TNFSF4: variants seen among roughly 807,000 people sequenced by gnomAD.
The protein encoded by TNFSF4 is TNF superfamily member 4.
In TNFSF4, 4 loss-of-function variants were observed where a neutral mutation model predicts 7.3. The observed-to-expected ratio is 0.55, with a 90% CI of 0.27 to 1.25. The LOEUF (loss-of-function observed/expected upper bound fraction) is 1.25, where lower values mean the gene tolerates loss of function less well. TNFSF4 is among the 50% of genes most tolerant of loss of function. TNFSF4 has a pLI of 0.12. For synonymous variants in TNFSF4, 76 were observed against 83.7 expected (o/e 0.91, Z 0.50); for missense variants, 181 against 208.8 (o/e 0.87, Z 0.82).
At chr1:173,264,270 C>T in the TNFSF4 span, among the ~76,000 whole-genome samples, 1 of 151,882 alleles carries the variant, frequency 6.6e-6, no homozygotes, top group Non-Finnish European at 1.5e-5. Flanking sequence ...ACCTCAGCCT[C>T]CCAAGTAGCT....
the TNFSF4 span, among the ~76,000 whole-genome samples, chr1:173,383,967 G>A: frequency 6.6e-6 from 1 of 152,150 alleles, no homozygotes; most frequent in African/African-American, 2.4e-5. Flanking sequence ...GACAACTTAT[G>A]TTGTTATCGT....
the TNFSF4 span, among the ~76,000 whole-genome samples, chr1:173,437,464 G>A: frequency 1.3e-5 from 2 of 151,852 alleles, no homozygotes; most frequent in African/African-American, 2.4e-5. Flanking sequence ...TTCCTTTACA[G>A]CTTTTCTGTA....
chr1:173,395,029 TA>T, the TNFSF4 span, among the ~76,000 whole-genome samples: 13,009 of 101,948 alleles, frequency 0.13, 614 homozygotes, highest in East Asian at 0.17. Context: ...GATAGATAGA[TA>T]GATAGATGAT....
chr1:173,226,929 A>G, the TNFSF4 span, among the ~76,000 whole-genome samples: 4 of 152,258 alleles, frequency 2.6e-5, no homozygotes, highest in Non-Finnish European at 4.4e-5. Flanking sequence ...AAGGGGAAGT[A>G]TGCTTATATG....
At chr1:173,351,669 T>A in the TNFSF4 span, 1 of 283,970 alleles carries the variant, frequency 3.5e-6, no homozygotes, top group Non-Finnish European at 6.5e-6. Context: ...AAGAGGGAAG[T>A]TTATAGCACT....
At chr1:173,339,962 G>A in the TNFSF4 span, among the ~76,000 whole-genome samples, 1 of 152,132 alleles carries the variant, frequency 6.6e-6, no homozygotes, top group African/African-American at 2.4e-5. Flanking sequence ...GTCTGTACAG[G>A]TGCTTCTGGA....
chr1:173,357,644 G>A, the TNFSF4 span, among the ~76,000 whole-genome samples: 1 of 152,064 alleles, frequency 6.6e-6, no homozygotes, highest in Admixed American at 6.6e-5. Context: ...CGATTCTCCT[G>A]CCTCAGCCTC....
the TNFSF4 span, among the ~76,000 whole-genome samples, chr1:173,433,308 T>C: frequency 6.6e-6 from 1 of 152,214 alleles, no homozygotes; most frequent in African/African-American, 2.4e-5. Context: ...TTTACTCATA[T>C]ACAGACTTGC....
chr1:173,396,720 T>C, the TNFSF4 span, among the ~76,000 whole-genome samples: 23 of 152,146 alleles, frequency 1.5e-4, no homozygotes, highest in African/African-American at 5.3e-4. Context: ...CACACCTGCA[T>C]TGGTTTAACA....
the TNFSF4 span, among the ~76,000 whole-genome samples, chr1:173,303,868 A>AAT: frequency 3.9e-5 from 6 of 151,924 alleles, no homozygotes; most frequent in African/African-American, 1.5e-4. Context: ...CCAGGTCAAT[A>AAT]ATATATAAGT....
the TNFSF4 span, among the ~76,000 whole-genome samples, chr1:173,429,017 AAAAG>A: frequency 2.6e-5 from 4 of 152,202 alleles, no homozygotes; most frequent in South Asian, 4.1e-4. Context: ...AGGAAAAAAA[AAAAG>A]AAAGAAAGAA....
At chr1:173,317,685 A>G in the TNFSF4 span, among the ~76,000 whole-genome samples, 1 of 152,252 alleles carries the variant, frequency 6.6e-6, no homozygotes, top group Non-Finnish European at 1.5e-5. Context: ...GAATGGAAAG[A>G]AGAATATTAT....
At chr1:173,409,023 T>C in the TNFSF4 span, among the ~76,000 whole-genome samples, 1 of 152,304 alleles carries the variant, frequency 6.6e-6, no homozygotes, top group Middle Eastern at 3.4e-3. Context: ...ACATCACCAT[T>C]AATAAGACAA....
chr1:173,271,918 A>G, the TNFSF4 span, among the ~76,000 whole-genome samples: 2 of 152,334 alleles, frequency 1.3e-5, no homozygotes, highest in South Asian at 2.1e-4. Context: ...TTGCGGCACT[A>G]TTCGCAATAG....
At chr1:173,192,910 C>T (rs1649543422) in intron 1 of TNFSF4, among the ~76,000 whole-genome samples, 1 of 152,110 alleles carries the variant, frequency 6.6e-6, no homozygotes, top group African/African-American at 2.4e-5. Flanking sequence ...TGTCATGGAA[C>T]ATTGCAAGAA....
chr1:173,374,239 A>G, the TNFSF4 span, among the ~76,000 whole-genome samples: 5 of 152,194 alleles, frequency 3.3e-5, no homozygotes, highest in African/African-American at 4.8e-5. Context: ...TTGGCAAAAT[A>G]TCAACAAAAC....
the TNFSF4 span, among the ~76,000 whole-genome samples, chr1:173,434,789 G>A: frequency 0.014 from 2,182 of 152,294 alleles, 70 homozygotes; most frequent in African/African-American, 0.05. Context: ...TGTGGATCAC[G>A]CAGGATTTTA....
At chr1:173,360,830 G>A in the TNFSF4 span, among the ~76,000 whole-genome samples, 24 of 152,192 alleles carry the variant, frequency 1.6e-4, no homozygotes, top group Admixed American at 3.3e-4. Context: ...CATCATGTGA[G>A]CAAGAACAAG....
In TNFSF4 at chr1:173,207,022, A is replaced by G; in HGVS notation, c.153+2T>C. The G allele has an allele frequency of 6.2e-7, 1 of 1,609,092 alleles. No homozygotes were observed. The highest frequency in any genetic ancestry group is 8.5e-7 in the Non-Finnish European group (1 of 1,176,928). The stretch of plus-strand genomic sequence containing the variant: ...AAAACAGCGCCCAGTGGTGCATCTT[A>G]CCTGAAGAGCAGAGAAGTGCAGGCA... On this transcript the variant is annotated splice_donor_variant, in intron 1 of 2. Coordinates refer to ENST00000281834, the MANE Select transcript of TNFSF4 (RefSeq NM_003326.5). LOFTEE classifies it high-confidence loss of function.
Sources: allele counts gnomAD v4.1 joint callset (sites outside exome capture counted in the v4.1 genomes callset), GRCh38; gene constraint gnomAD v4.1.1; transcripts MANE v1.5; gene names NCBI Gene and HGNC (gene_info 2026-07-23, HGNC 2026-07-21).